The following ATP8A1 variants were observed in gnomAD, a reference collection of about 807,000 sequenced individuals.
ATP8A1 encodes ATPase phospholipid transporting 8A1.
Under a neutral mutation model 177.7 loss-of-function variants are expected in ATP8A1, and 90 were observed. The observed-to-expected ratio is 0.51, with a 90% confidence interval of 0.43 to 0.60. ATP8A1 has a LOEUF of 0.60. Ranked by LOEUF, ATP8A1 falls within the 20% of genes least tolerant of loss-of-function variation. The probability of loss-of-function intolerance (pLI) is 0.00; values close to 1 mark genes in which losing one functional copy is unlikely to be tolerated. For synonymous variants in ATP8A1, 493 were observed against 485.9 expected, an observed-to-expected ratio of 1.01 and a Z score of -0.19; for missense variants, 1,072 against 1,392.8, an observed-to-expected ratio of 0.77 and a Z score of 3.67.
intron 36 of ATP8A1, 108 bp from the exon 37 acceptor site, chr4:42,413,121 C>T: frequency 1.2e-6 from 1 of 811,206 alleles, no homozygotes; most frequent in Non-Finnish European, 2.0e-6. Flanking sequence ...GCAGCCTTCC[C>T]ACATTCAAAA....
intron 22 of ATP8A1, among the ~76,000 whole-genome samples, chr4:42,518,210 T>C (rs1382626084): frequency 6.6e-6 from 1 of 152,224 alleles, no homozygotes; most frequent in Admixed American, 6.5e-5. Flanking sequence ...TTATAACATT[T>C]CCTCTTATTT....
intron 33 of ATP8A1, among the ~76,000 whole-genome samples, chr4:42,431,665 CAAG>C: frequency 6.6e-6 from 1 of 152,192 alleles, no homozygotes. Context: ...TTGCCAAATC[CAAG>C]AAGTCAATGG....
chr4:42,511,563 A>C (rs1281125298), intron 22 of ATP8A1, among the ~76,000 whole-genome samples: 40 of 152,214 alleles, frequency 2.6e-4, no homozygotes, highest in Non-Finnish European at 2.9e-5. Flanking sequence ...AATAATGTTT[A>C]TTCACCTAGT....
At chr4:42,515,787 C>A (rs1241190507) in intron 22 of ATP8A1, among the ~76,000 whole-genome samples, 1 of 152,174 alleles carries the variant, frequency 6.6e-6, no homozygotes, top group Non-Finnish European at 1.5e-5. Context: ...CAGAACCTGC[C>A]ACGCAGCGGT....
chr4:42,647,306 A>C (rs953617929), intron 1 of ATP8A1, among the ~76,000 whole-genome samples: 8 of 152,194 alleles, frequency 5.3e-5, no homozygotes, highest in African/African-American at 1.7e-4. Flanking sequence ...AAATCCTAAC[A>C]AGTAAGCATA....
chr4:42,638,155 T>G (rs1739578965), intron 1 of ATP8A1, among the ~76,000 whole-genome samples: 2 of 152,302 alleles, frequency 1.3e-5, no homozygotes, highest in South Asian at 2.1e-4. Context: ...TCCCAGAAAT[T>G]TATAGTCTTG....
At chr4:42,458,450 G>T (rs1292702716) in intron 27 of ATP8A1, among the ~76,000 whole-genome samples, 1 of 152,140 alleles carries the variant, frequency 6.6e-6, no homozygotes, top group Non-Finnish European at 1.5e-5. Flanking sequence ...CATTTGAAAG[G>T]AAAGGTCTTA....
Position 42,418,852 on chromosome 4 carries a change from G to T in ATP8A1, c.3305+3955C>A, listed in dbSNP as rs147080750. ...TAAAAATGGCTGTTTTAACCAAGAT[G>T]ATTTTTTCTGAAAATGAACAAAGAT... On this transcript the variant is annotated intron_variant, in intron 35 of 36. Transcript: ENST00000381668. Among the ~76,000 whole-genome samples the T allele has an allele frequency of 2.3e-4, 35 of 152,264 alleles. No individual in the cohort carries two copies. In the East Asian group the frequency reaches 6.7e-3, roughly 29 times the overall value.
intron 5 of ATP8A1, among the ~76,000 whole-genome samples, chr4:42,613,446 T>C (rs28634880): frequency 0.22 from 34,212 of 152,142 alleles, 4,341 homozygotes; most frequent in Non-Finnish European, 0.29. Flanking sequence ...ATATAACCTA[T>C]GCATGTCCTT....
intron 30 of ATP8A1, 74 bp from the exon 31 acceptor site, chr4:42,446,718 G>A (rs1717299145): frequency 7.5e-7 from 1 of 1,334,248 alleles, no homozygotes; most frequent in Non-Finnish European, 1.0e-6. Flanking sequence ...TATTCAGAAA[G>A]TTTGAACGAA....
chr4:42,579,943 C>G lies in ATP8A1; in HGVS notation c.870G>C (p.Val290=). ...STSPPLKLSN[V]ERITNVQILI... is the part of the protein sequence containing the mutation. The stretch of plus-strand genomic sequence containing the variant: ...AAATTTGTACATTTGTAATCCGTTC[C>G]ACATTTGAGAGCTTAAGTGGTGGAC... The change falls in exon 11 of 37, where the codon GTG becomes GTC. Residue 290 remains valine, a synonymous_variant. Transcript: ENST00000381668. 6.2e-7 allele frequency: 1 copy of G among 1,610,592 alleles called. No individual in the cohort carries two copies. Among genetic ancestry groups the G allele is most frequent in the Non-Finnish European group, 8.5e-7 (1 of 1,178,142 alleles).
At chr4:42,414,820 G>T in intron 35 of ATP8A1, 102 bp from the exon 36 acceptor site, 1 of 834,880 alleles carries the variant, frequency 1.2e-6, no homozygotes, top group Non-Finnish European at 2.0e-6. Flanking sequence ...ACAAAAGATT[G>T]CTCGAGAAAT....
rs1741185007 is a variant in ATP8A1, at chr4:42,652,395, T to C, written c.49+4430A>G. On this transcript the variant is annotated intron_variant, in intron 1 of 36. Coordinates refer to ENST00000381668, the MANE Select transcript of ATP8A1 (RefSeq NM_006095.2). ...GATCCCTGATAATTTATGAACCTAC[T>C]ACCAATGTTATTACTAATAAAATAT... Among the ~76,000 whole-genome samples, 3 of 152,350 alleles carry C rather than the reference T, an allele frequency of 2.0e-5. No individual in the cohort carries two copies. The South Asian group carries it at 6.2e-4, about 32-fold the overall frequency.
intron 33 of ATP8A1, among the ~76,000 whole-genome samples, chr4:42,438,639 C>T (rs1716267368): frequency 6.6e-6 from 1 of 151,926 alleles, no homozygotes; most frequent in Non-Finnish European, 1.5e-5. Context: ...AGAAATTGTT[C>T]AGGGCCCTGG....
At chr4:42,561,002 G>A (rs1243071869) in intron 15 of ATP8A1, among the ~76,000 whole-genome samples, 2 of 152,152 alleles carry the variant, frequency 1.3e-5, no homozygotes, top group Non-Finnish European at 2.9e-5. Flanking sequence ...AACATGGATA[G>A]ATAATGGAGC....
intron 32 of ATP8A1, 73 bp downstream of exon 32, chr4:42,444,505 G>C (rs1050233284): frequency 1.4e-6 from 2 of 1,422,260 alleles, no homozygotes; most frequent in Non-Finnish European, 2.0e-6. Flanking sequence ...TTAGAGTGAA[G>C]ACCACCACCA....
At chr4:42,551,827 A>G (rs1251578139) in intron 17 of ATP8A1, among the ~76,000 whole-genome samples, 1 of 152,220 alleles carries the variant, frequency 6.6e-6, no homozygotes, top group Non-Finnish European at 1.5e-5. Context: ...GATATGAGAC[A>G]TAACAATTCT....
intron 33 of ATP8A1, among the ~76,000 whole-genome samples, chr4:42,431,762 T>C (rs924131116): frequency 6.6e-6 from 1 of 152,204 alleles, no homozygotes; most frequent in South Asian, 2.1e-4. Flanking sequence ...CCGAAACATA[T>C]ACACCTCTCA....
intron 28 of ATP8A1, 22 bp downstream of exon 28, chr4:42,455,503 T>A (rs773207040): frequency 1.2e-6 from 2 of 1,613,438 alleles, no homozygotes; most frequent in Non-Finnish European, 1.7e-6. Flanking sequence ...GAAACAGGAA[T>A]TATCAAATGT....
Sources: gnomAD v4.1 joint callset for allele counts (sites outside exome capture counted in the v4.1 genomes callset) on GRCh38, gnomAD v4.1.1 for gene constraint, MANE v1.5 for transcripts, NCBI Gene and HGNC (gene_info 2026-07-23, HGNC 2026-07-21) for gene names.